Variants in SMPD4 observed in about 807,000 individuals in gnomAD.
The protein encoded by SMPD4 is neutral sphingomyelinase 3.
In SMPD4, 58 loss-of-function variants were observed where a neutral mutation model predicts 97.8. The observed-to-expected ratio is 0.59, with a 90% CI of 0.48 to 0.74. SMPD4 has a LOEUF of 0.74. Ranked by LOEUF, SMPD4 falls within the 30% of genes least tolerant of loss-of-function variation. The pLI is 0.00. For missense variants in SMPD4, 853 were observed against 1,080.5 expected (o/e 0.79, Z 2.95); for synonymous variants, 388 against 450.0 (o/e 0.86, Z 1.74).
chr2:130,173,834 C>T (rs1688712062), intron 3 of SMPD4, among the ~76,000 whole-genome samples, 178 bp from the exon 4 acceptor site: 1 of 152,062 alleles, frequency 6.6e-6, no homozygotes, highest in Non-Finnish European at 1.5e-5. Context: ...ACAAGAGCAG[C>T]TTTACGTTCT....
intron 3 of SMPD4, among the ~76,000 whole-genome samples, chr2:130,173,884 G>C (rs145068034): frequency 6.8e-4 from 103 of 151,990 alleles, no homozygotes; most frequent in Middle Eastern, 3.4e-3. Context: ...TGTTGCTTTA[G>C]ACTTGGGCCA....
At chr2:130,172,706 A>G (rs1688594365) in intron 6 of SMPD4, 29 bp from the exon 7 acceptor site, 4 of 1,614,212 alleles carry the variant, frequency 2.5e-6, no homozygotes, top group Non-Finnish European at 3.4e-6. Flanking sequence ...GCAAACATGC[A>G]GGGTTGATGA....
chr2:130,162,847 G>C (rs576663750), intron 10 of SMPD4, among the ~76,000 whole-genome samples: 2 of 152,364 alleles, frequency 1.3e-5, no homozygotes, highest in South Asian at 4.1e-4. Flanking sequence ...GAAGAGTGGA[G>C]CATCTCTGGG....
chr2:130,152,703 G>A lies in SMPD4; in HGVS notation c.2336C>T (p.Thr779Met), dbSNP rs575050574. The change falls in exon 20 of 20, where the codon ACG becomes ATG. Residue 779 changes from threonine (T) to methionine (M), a missense_variant. By Grantham distance (81) the Thr-to-Met change is moderately conservative. Around this residue, in one of 3 missense-constraint regions of SMPD4, gnomAD observed 511 missense variants for 608.1 expected, o/e 0.84. Coordinates refer to ENST00000680298, the MANE Select transcript of SMPD4 (RefSeq NM_017951.5). ...GAAGGCCAGCAGCAGCGAGACCAGC[G>A]TCCGGTAACTGCCCAGGAAGCGCAG... ...LSLRFLGSYR[T>M]LVSLLLAFFV... 68 of 1,576,744 alleles carry A rather than the reference G, an allele frequency of 4.3e-5. 2 individuals are homozygous for A. Among genetic ancestry groups the A allele is most frequent in the African/African-American group, 4.3e-4 (32 of 74,200 alleles).
Position 130,153,861 on chromosome 2 carries a change from G to A in SMPD4, c.1734C>T (p.Ser578=), listed in dbSNP as rs369181389. Residue 578 remains serine (S), a synonymous_variant, in exon 17 of 20, where the codon AGC becomes AGT. Coordinates refer to ENST00000680298, the MANE Select transcript of SMPD4 (RefSeq NM_017951.5). ...AKSISDQCAE[S]PAGHSFLSWL... ...ATGAGAGGAAGGAGTGGCCAGCCGG[G>A]CTCTCCGCACACTGGTCGGAGATGG... is the stretch of plus-strand genomic sequence containing the variant. The A allele has an allele frequency of 6.2e-7, 1 of 1,613,920 alleles. No homozygotes were observed. Among genetic ancestry groups the A allele is most frequent in the Non-Finnish European group, 8.5e-7 (1 of 1,179,868 alleles).
At position 130,172,372 on chromosome 2, in the gene SMPD4, C is replaced by T. The variant is rs528689139; in HGVS notation, c.636G>A (p.Gly212=). 3.8e-5 allele frequency: 60 copies of T among 1,598,652 alleles called. 1 individual carries two copies. The Middle Eastern group carries it at 1.0e-3, about 27-fold the overall frequency. The change falls in exon 8 of 20, where the codon GGG becomes GGA. Residue 212 remains glycine (G), a synonymous_variant. Transcript: ENST00000680298. ...VPPPLSSSPG[G]TSPSPPPRTP... is the part of the protein sequence containing the mutation. ...ACCTGGGAGGTGGTGAGGGGCTGGTCCCCCCTGGGCTGGAGGAGAGTGGTG... is the reference window on the plus strand; with the variant it reads ...ACCTGGGAGGTGGTGAGGGGCTGGTTCCCCCTGGGCTGGAGGAGAGTGGTG...
intron 1 of SMPD4, among the ~76,000 whole-genome samples, chr2:130,178,755 A>G (rs564362539): frequency 1.3e-5 from 2 of 151,636 alleles, no homozygotes; most frequent in Non-Finnish European, 1.5e-5. Flanking sequence ...AGATCACACC[A>G]TTGCACTCTA....
intron 15 of SMPD4, chr2:130,154,814 G>C: frequency 5.0e-6 from 3 of 598,712 alleles, no homozygotes; most frequent in East Asian, 5.7e-5. Flanking sequence ...TTGCCAGGGA[G>C]AAACAGCGGG....
At position 130,152,743 on chromosome 2, in the gene SMPD4, C is replaced by A; in HGVS notation, c.2296G>T (p.Gly766Cys). Reference sequence around the variant, plus strand: ...AGGAAGCGCAGGCTGAGCCTGGGGCCGCGGGTGTGGCCGGCCACCTGCCTC... The same window carrying A: ...AGGAAGCGCAGGCTGAGCCTGGGGCAGCGGGTGTGGCCGGCCACCTGCCTC... ...GRRQVAGHTRGPRLSLRFLGS... is the reference protein window; with the variant it reads ...GRRQVAGHTRCPRLSLRFLGS... Residue 766 changes from glycine (G) to cysteine (C), a missense_variant, in exon 20 of 20, where the codon GGC becomes TGC. Coordinates refer to ENST00000680298, the MANE Select transcript of SMPD4 (RefSeq NM_017951.5). 1 of 1,592,854 alleles carries A rather than the reference C, an allele frequency of 6.3e-7. No homozygotes were observed. Among genetic ancestry groups the A allele is most frequent in the Non-Finnish European group, 8.5e-7 (1 of 1,170,982 alleles).
intron 13 of SMPD4, 105 bp downstream of exon 13, chr2:130,156,480 G>C: frequency 8.8e-7 from 1 of 1,131,936 alleles, no homozygotes; most frequent in Non-Finnish European, 1.3e-6. Context: ...CCTTGCCAAG[G>C]CCTCTGTGAT....
At chr2:130,178,164 T>TGAGCTTGCCG (rs1689153054) in intron 1 of SMPD4, among the ~76,000 whole-genome samples, 1 of 90,256 alleles carries the variant, frequency 1.1e-5, no homozygotes, top group South Asian at 3.7e-4. Flanking sequence ...TTGTAATGCC[T>TGAGCTTGCCG]GGACTTCTGC....
At chr2:130,167,737 C>T in intron 8 of SMPD4, 147 bp from the exon 9 acceptor site, 1 of 738,802 alleles carries the variant, frequency 1.4e-6, no homozygotes, top group Non-Finnish European at 2.2e-6. Flanking sequence ...CTCCCCCCAG[C>T]CCCCTGATCC....
chr2:130,156,135 C>T lies in SMPD4; in HGVS notation c.1189G>A (p.Val397Ile). The T allele has an allele frequency of 1.2e-6, 2 of 1,609,328 alleles. No homozygotes were observed. The highest frequency in any genetic ancestry group is 1.7e-6 in the Non-Finnish European group (2 of 1,178,280). ...AGGTAGCTCAGCCACATCTCCAGGACCTGTGGGGGAGGTGTGTGCTAAGGG... is the reference window on the plus strand; with the variant it reads ...AGGTAGCTCAGCCACATCTCCAGGATCTGTGGGGGAGGTGTGTGCTAAGGG... ...HWPLDASFRA[V>I]LEMWLSYLQP... is the part of the protein sequence containing the mutation. The change falls in exon 14 of 20, where the codon GTC becomes ATC. Residue 397 changes from valine (V) to isoleucine (I), a missense_variant and splice_region_variant. Val to Ile is a conservative substitution (Grantham distance 29). Transcript: ENST00000680298.
intron 2 of SMPD4, among the ~76,000 whole-genome samples, chr2:130,175,373 TGA>T (rs1220897370): frequency 6.6e-6 from 1 of 152,012 alleles, no homozygotes; most frequent in East Asian, 1.9e-4. Context: ...AGAGTATAAC[TGA>T]GTTTGTACGC....
Position 130,172,352 on chromosome 2 carries a change from G to A in SMPD4, c.656C>T (p.Pro219Leu), listed in dbSNP as rs774485945. 1.3e-5 allele frequency: 20 copies of A among 1,586,812 alleles called. No individual in the cohort carries two copies. The South Asian group carries it at 1.6e-4, about 13-fold the overall frequency. ...SPGGTSPSPP[P>L]RTPAIPFASY... is the part of the protein sequence containing the mutation. ...TCTTAACAAAGGGCAGCCTTACCTGGGAGGTGGTGAGGGGCTGGTCCCCCC... is the reference window on the plus strand; with the variant it reads ...TCTTAACAAAGGGCAGCCTTACCTGAGAGGTGGTGAGGGGCTGGTCCCCCC... The change falls in exon 8 of 20, where the codon CCC (proline) becomes CTC (leucine). Residue 219 changes from proline (P) to leucine (L), a missense_variant. By Grantham distance (98) the Pro-to-Leu change is moderately conservative. Around this residue, in one of 3 missense-constraint regions of SMPD4, gnomAD observed 313 missense variants for 402.2 expected, o/e 0.78. Coordinates refer to ENST00000680298, the MANE Select transcript of SMPD4 (RefSeq NM_017951.5).
chr2:130,158,798 T>C (rs1423309177), intron 11 of SMPD4, among the ~76,000 whole-genome samples: 1 of 152,048 alleles, frequency 6.6e-6, no homozygotes, highest in Non-Finnish European at 1.5e-5. Flanking sequence ...CCCTAGCCCT[T>C]TGGGCCGTAA....
intron 10 of SMPD4, 152 bp from the exon 11 acceptor site, chr2:130,161,424 A>G: frequency 1.5e-6 from 1 of 680,850 alleles, no homozygotes; most frequent in African/African-American, 1.8e-5. Flanking sequence ...GAGGAGAAAA[A>G]AACAAAAACA....
Position 130,172,773 on chromosome 2 carries a change from C to A in SMPD4, c.454+14G>T, listed in dbSNP as rs1214939859. 1.9e-6 allele frequency: 3 copies of A among 1,614,172 alleles called. No individual in the cohort carries two copies. The highest frequency in any genetic ancestry group is 2.2e-5 in the South Asian group (2 of 91,078). ...CACCCACAGCCTCCCTACCTCAGGGCCACCAAAGGATACTCAGGGCCAAGT... is the reference window on the plus strand; with the variant it reads ...CACCCACAGCCTCCCTACCTCAGGGACACCAAAGGATACTCAGGGCCAAGT... On this transcript the variant is annotated intron_variant, in intron 6 of 19. Transcript: ENST00000680298.
chr2:130,157,499 G>A, intron 11 of SMPD4, 103 bp from the exon 12 acceptor site: 1 of 1,541,258 alleles, frequency 6.5e-7, no homozygotes, highest in Non-Finnish European at 8.8e-7. Flanking sequence ...TTGCTCTGCT[G>A]CCCCCACGGG....
Sources: gnomAD v4.1 joint callset for allele counts (sites outside exome capture counted in the v4.1 genomes callset) on GRCh38, gnomAD v4.1.1 for gene constraint, gnomAD v4.1.1 regional missense constraint, MANE v1.5 for transcripts, NCBI Gene and HGNC (gene_info 2026-07-23, HGNC 2026-07-21) for gene names.